Variants in DSCAM observed in about 807,000 individuals in gnomAD.
DSCAM encodes DS cell adhesion molecule.
A neutral mutation model predicts 217.7 loss-of-function variants in DSCAM; 47 were observed. The observed-to-expected ratio is 0.22, with a 90% CI of 0.17 to 0.28. The LOEUF (loss-of-function observed/expected upper bound fraction) is 0.28, where lower values mean the gene tolerates loss of function less well. Ranked by LOEUF, DSCAM falls within the 10% of genes least tolerant of loss-of-function variation. DSCAM has a pLI of 1.00. For synonymous variants in DSCAM, 1,056 were observed against 1,015.3 expected, an observed-to-expected ratio of 1.04 and a Z score of -0.76; for missense variants, 2,080 against 2,618.3, an observed-to-expected ratio of 0.79 and a Z score of 4.49.
At chr21:40,734,915 G>GGAAGAGAAGAGAGTAGACAAAGTAA (rs1159641230) in intron 1 of DSCAM, among the ~76,000 whole-genome samples, 3 of 152,168 alleles carry the variant, frequency 2.0e-5, no homozygotes, top group Non-Finnish European at 4.4e-5. Flanking sequence ...ATGTGCTTTT[G>GGAAGAGAAGAGAGTAGACAAAGTAA]GAAGAGAAGA....
chr21:40,818,049 T>C (rs2091896425), intron 1 of DSCAM, among the ~76,000 whole-genome samples: 1 of 130,966 alleles, frequency 7.6e-6, no homozygotes, highest in Non-Finnish European at 1.5e-5. Context: ...TGAGCCGAGA[T>C]TGCGCCACTG....
At chr21:40,220,746 T>C (rs575362841) in intron 11 of DSCAM, among the ~76,000 whole-genome samples, 2 of 152,288 alleles carry the variant, frequency 1.3e-5, no homozygotes, top group East Asian at 3.9e-4. Flanking sequence ...AGGACACAAT[T>C]TATTTCCTTG....
At chr21:40,406,159 G>A (rs1374419152) in intron 3 of DSCAM, among the ~76,000 whole-genome samples, 1 of 152,178 alleles carries the variant, frequency 6.6e-6, no homozygotes, top group African/African-American at 2.4e-5. Context: ...ACAAGAGTTG[G>A]TGAGAATGTA....
intron 10 of DSCAM, among the ~76,000 whole-genome samples, chr21:40,284,981 T>G (rs2123411055): frequency 6.6e-6 from 1 of 152,360 alleles, no homozygotes; most frequent in South Asian, 2.1e-4. Flanking sequence ...TTGTTACAAC[T>G]TGCTAGTCCA....
At chr21:40,025,587 G>C (rs1008778624) in intron 32 of DSCAM, among the ~76,000 whole-genome samples, 5 of 150,508 alleles carry the variant, frequency 3.3e-5, no homozygotes, top group Admixed American at 2.0e-4. Flanking sequence ...ACTTCTTCCT[G>C]GTTTAGTCTT....
intron 3 of DSCAM, among the ~76,000 whole-genome samples, chr21:40,635,882 T>C (rs902832397): frequency 7.2e-5 from 11 of 152,134 alleles, no homozygotes; most frequent in Admixed American, 4.6e-4. Context: ...CTGACTCAAA[T>C]AGAGAAGAGT....
intron 8 of DSCAM, among the ~76,000 whole-genome samples, chr21:40,330,099 A>T (rs1441051070): frequency 6.6e-6 from 1 of 151,920 alleles, no homozygotes; most frequent in East Asian, 1.9e-4. Context: ...CAATGGATAT[A>T]TATTTCAAAA....
rs764656124 is a variant in DSCAM, at chr21:40,013,306, T to C, written c.5767A>G (p.Ser1923Gly). Residue 1923 changes from serine to glycine, a missense_variant, in exon 33 of 33, where the codon AGC (serine) becomes GGC (glycine). By Grantham distance (56) the Ser-to-Gly change is moderately conservative. Transcript: ENST00000400454. ...GGTTCCAAGCATGCTTGTCCTAAGC[T>C]CAGGTCCCTGCTGGTGCCTGGACCA... ...RGGPGTSRDL[S>G]LGQACLEPQK... 6.2e-7 allele frequency: 1 copy of C among 1,612,400 alleles called. No individual in the cohort carries two copies.
At chr21:40,107,642 C>T (rs1220554616) in intron 20 of DSCAM, among the ~76,000 whole-genome samples, 1 of 152,086 alleles carries the variant, frequency 6.6e-6, no homozygotes, top group East Asian at 1.9e-4. Context: ...GTCTAAGTCT[C>T]TTTGATGGTC....
intron 3 of DSCAM, among the ~76,000 whole-genome samples, chr21:40,580,195 C>T (rs1189413829): frequency 1.3e-5 from 2 of 151,724 alleles, no homozygotes; most frequent in Non-Finnish European, 1.5e-5. Flanking sequence ...CATTCTCCTG[C>T]CTCAGCCTCT....
chr21:40,381,133 G>GC (rs947952541), intron 3 of DSCAM, among the ~76,000 whole-genome samples: 15 of 151,828 alleles, frequency 9.9e-5, no homozygotes, highest in African/African-American at 3.4e-4. Context: ...CCAGGATGAG[G>GC]CAAAGGCGAT....
At chr21:40,356,749 C>T (rs1348308817) in intron 4 of DSCAM, among the ~76,000 whole-genome samples, 2 of 152,156 alleles carry the variant, frequency 1.3e-5, no homozygotes, top group Non-Finnish European at 2.9e-5. Context: ...GGCAAACCAG[C>T]TTCTGGACTT....
intron 3 of DSCAM, among the ~76,000 whole-genome samples, chr21:40,529,315 G>C (rs1307927889): frequency 6.6e-6 from 1 of 152,198 alleles, no homozygotes; most frequent in Non-Finnish European, 1.5e-5. Context: ...GCGCTGGCAT[G>C]CATCTGCCAT....
At chr21:40,510,125 TA>T (rs1568864179) in intron 3 of DSCAM, among the ~76,000 whole-genome samples, 1 of 151,576 alleles carries the variant, frequency 6.6e-6, no homozygotes, top group Admixed American at 6.6e-5. Context: ...CTCCATCTCA[TA>T]AAAAAAGAAT....
intron 11 of DSCAM, among the ~76,000 whole-genome samples, chr21:40,242,367 G>A (rs973879659): frequency 6.6e-6 from 1 of 152,188 alleles, no homozygotes; most frequent in Non-Finnish European, 1.5e-5. Flanking sequence ...GTTGGATGGG[G>A]CCATATGACT....
At chr21:40,740,966 T>C (rs2091117641) in intron 1 of DSCAM, among the ~76,000 whole-genome samples, 1 of 152,210 alleles carries the variant, frequency 6.6e-6, no homozygotes, top group African/African-American at 2.4e-5. Context: ...ATATCTTAGC[T>C]AGGTAACTAC....
At chr21:40,255,019 C>T (rs1196043662) in intron 11 of DSCAM, among the ~76,000 whole-genome samples, 2 of 152,114 alleles carry the variant, frequency 1.3e-5, no homozygotes, top group African/African-American at 2.4e-5. Flanking sequence ...ACAATTGCAT[C>T]TCTAAGGCCC....
chr21:40,650,760 A>G (rs2090003619), intron 3 of DSCAM, among the ~76,000 whole-genome samples: 1 of 152,186 alleles, frequency 6.6e-6, no homozygotes, highest in Admixed American at 6.5e-5. Flanking sequence ...CTAAAATACA[A>G]AAAATTAGCC....
chr21:40,705,862 C>T (rs905290253), intron 2 of DSCAM, among the ~76,000 whole-genome samples: 10 of 152,170 alleles, frequency 6.6e-5, no homozygotes, highest in Non-Finnish European at 1.5e-4. Context: ...CCATCTCGGC[C>T]ACAAGCAAAA....
Sources: gnomAD v4.1 joint callset for allele counts (sites outside exome capture counted in the v4.1 genomes callset) on GRCh38, gnomAD v4.1.1 for gene constraint, MANE v1.5 for transcripts, NCBI Gene and HGNC (gene_info 2026-07-23, HGNC 2026-07-21) for gene names.